SIDT1: variants seen among roughly 807,000 people sequenced by gnomAD.
The protein encoded by SIDT1 is SID1 transmembrane family, member 1.
Under a neutral mutation model 107.5 loss-of-function variants are expected in SIDT1, and 101 were observed. The ratio of observed to expected loss-of-function variants is 0.94; its 90% CI spans 0.80 to 1.11. SIDT1 has a LOEUF of 1.11. Ranked by LOEUF, SIDT1 falls within the 50% of genes least tolerant of loss-of-function variation. The pLI is 0.00. For missense variants in SIDT1, 1,076 were observed against 1,058.2 expected (o/e 1.02, Z -0.23); for synonymous variants, 395 against 398.2 (o/e 0.99, Z 0.10).
intron 1 of SIDT1, among the ~76,000 whole-genome samples, chr3:113,563,201 G>A (rs1463220285): frequency 6.6e-6 from 1 of 152,228 alleles, no homozygotes; most frequent in Non-Finnish European, 1.5e-5. Context: ...GAAGAGGCTT[G>A]AGGGATTCAA....
intron 1 of SIDT1, among the ~76,000 whole-genome samples, chr3:113,556,104 G>A (rs996056113): frequency 3.3e-5 from 5 of 152,130 alleles, no homozygotes; most frequent in Admixed American, 6.5e-5. Flanking sequence ...AACCGAGGGC[G>A]AGATAATTTA....
chr3:113,611,695 G>A (rs762329758), intron 18 of SIDT1, among the ~76,000 whole-genome samples: 9 of 152,144 alleles, frequency 5.9e-5, no homozygotes, highest in Non-Finnish European at 1.3e-4. Context: ...AGCTAGACCC[G>A]ACTCATGTGA....
At chr3:113,588,741 G>T (rs574677976) in intron 9 of SIDT1, 1 of 150,620 alleles carries the variant, frequency 6.6e-6, no homozygotes, top group Non-Finnish European at 1.5e-5. Context: ...AATCCAAACT[G>T]CCCAATCCAG....
intron 1 of SIDT1, among the ~76,000 whole-genome samples, chr3:113,547,404 T>C (rs1172382113): frequency 6.6e-6 from 1 of 152,164 alleles, no homozygotes; most frequent in Admixed American, 6.5e-5. Flanking sequence ...AAGTTATATA[T>C]TAAATGTTGT....
chr3:113,570,761 C>G (rs866605853), intron 3 of SIDT1, among the ~76,000 whole-genome samples: 2 of 152,150 alleles, frequency 1.3e-5, no homozygotes, highest in Non-Finnish European at 2.9e-5. Flanking sequence ...AGAAGTAATT[C>G]GAAATCTCTA....
At chr3:113,572,127 G>T (rs1462361543) in intron 3 of SIDT1, among the ~76,000 whole-genome samples, 1 of 152,174 alleles carries the variant, frequency 6.6e-6, no homozygotes, top group East Asian at 1.9e-4. Context: ...AGGGGAAAAA[G>T]AAAAGAGAGA....
chr3:113,620,828 A>G (rs1576985873), intron 21 of SIDT1, among the ~76,000 whole-genome samples: 1 of 152,220 alleles, frequency 6.6e-6, no homozygotes, highest in Non-Finnish European at 1.5e-5. Flanking sequence ...CAACCTCTTG[A>G]TAATGACCAA....
At chr3:113,561,894 T>C (rs904421030) in intron 1 of SIDT1, among the ~76,000 whole-genome samples, 1 of 151,996 alleles carries the variant, frequency 6.6e-6, no homozygotes, top group Admixed American at 6.6e-5. Flanking sequence ...GCATCTTAGG[T>C]GAAAAAAGGG....
intron 1 of SIDT1, among the ~76,000 whole-genome samples, chr3:113,538,718 G>C (rs182035476): frequency 6.6e-6 from 1 of 152,166 alleles, no homozygotes; most frequent in African/African-American, 2.4e-5. Flanking sequence ...AGATTTAAGA[G>C]AGAACATACC....
At chr3:113,620,548 A>C (rs1048738201) in intron 21 of SIDT1, among the ~76,000 whole-genome samples, 1 of 152,178 alleles carries the variant, frequency 6.6e-6, no homozygotes, top group Admixed American at 6.5e-5. Context: ...GTAAGGAATG[A>C]AGAGGCATGC....
chr3:113,580,689 G>T lies in SIDT1; in HGVS notation c.643G>T (p.Val215Phe). Residue 215 changes from valine to phenylalanine, a missense_variant, in exon 5 of 25, where the codon GTC becomes TTC. Physicochemically the swap from Val to Phe is conservative, Grantham distance 50. Transcript: ENST00000264852. ...VSEMAYPCSV[V>F]SVQNIMCPVY... The stretch of plus-strand genomic sequence containing the variant: ...TGAAATGGCTTATCCATGTTCTGTT[G>T]TCTCAGTCCAGAATATCATGGTGAG... The T allele has an allele frequency of 6.2e-7, 1 of 1,611,314 alleles. No individual in the cohort carries two copies. The highest frequency in any genetic ancestry group is 8.5e-7 in the Non-Finnish European group (1 of 1,177,596).
At chr3:113,578,477 A>C in intron 4 of SIDT1, among the ~76,000 whole-genome samples, 1 of 151,768 alleles carries the variant, frequency 6.6e-6, no homozygotes. Context: ...AAAAAAAAAA[A>C]AAAAAAGAAG....
intron 19 of SIDT1, among the ~76,000 whole-genome samples, chr3:113,615,788 T>A (rs1946061476): frequency 6.6e-6 from 1 of 152,182 alleles, no homozygotes; most frequent in Admixed American, 6.5e-5. Flanking sequence ...GAGTAAACTG[T>A]AAACAAAAAG....
intron 20 of SIDT1, among the ~76,000 whole-genome samples, chr3:113,616,515 G>A (rs1156772348): frequency 6.6e-6 from 1 of 152,078 alleles, no homozygotes; most frequent in Non-Finnish European, 1.5e-5. Flanking sequence ...GGATAGCATG[G>A]GAGGAGGGAG....
Position 113,601,645 on chromosome 3 carries a change from A to G in SIDT1, c.1103A>G (p.Asn368Ser), listed in dbSNP as rs1282682496. 2 of 1,612,700 alleles carry G rather than the reference A, an allele frequency of 1.2e-6. No homozygotes were observed. The highest frequency in any genetic ancestry group is 1.1e-5 in the South Asian group (1 of 91,046). ...GCTGCCAGCACACCCGAAGGGAGCA[A>G]TTATGGGACAATAGGTATGTCCTAC... Reference protein sequence around the residue: ...PIAASTPEGSNYGTIDESSSS... With the variant: ...PIAASTPEGSSYGTIDESSSS... The change falls in exon 11 of 25, where the codon AAT becomes AGT. Residue 368 changes from asparagine (N) to serine (S), a missense_variant. Physicochemically the swap from Asn to Ser is conservative, Grantham distance 46. Coordinates refer to ENST00000264852, the MANE Select transcript of SIDT1 (RefSeq NM_017699.3).
chr3:113,610,885 G>A (rs968898146), intron 17 of SIDT1, 123 bp from the exon 18 acceptor site: 10 of 1,195,446 alleles, frequency 8.4e-6, no homozygotes, highest in African/African-American at 3.0e-5. Flanking sequence ...CACAGCCTGC[G>A]GGTAGAAAAT....
chr3:113,578,210 A>G (rs1943057250), intron 4 of SIDT1, among the ~76,000 whole-genome samples: 1 of 152,248 alleles, frequency 6.6e-6, no homozygotes, highest in Non-Finnish European at 1.5e-5. Flanking sequence ...TCACGCCTAT[A>G]ATCCCAGCAC....
downstream of SIDT1, among the ~76,000 whole-genome samples, chr3:113,630,913 A>G (rs1947088494): frequency 6.6e-6 from 1 of 151,986 alleles, no homozygotes; most frequent in African/African-American, 2.4e-5. Flanking sequence ...ATTGAAACCA[A>G]CTGTTTCGTT....
chr3:113,559,170 G>T (rs1941183424), intron 1 of SIDT1, among the ~76,000 whole-genome samples: 1 of 152,126 alleles, frequency 6.6e-6, no homozygotes, highest in South Asian at 2.1e-4. Context: ...ATGACTCCTT[G>T]TACATATGCA....
Sources: gnomAD v4.1 joint callset for allele counts (sites outside exome capture counted in the v4.1 genomes callset) on GRCh38, gnomAD v4.1.1 for gene constraint, MANE v1.5 for transcripts, NCBI Gene and HGNC (gene_info 2026-07-23, HGNC 2026-07-21) for gene names.